METTL8: variants seen among roughly 807,000 people sequenced by gnomAD.
METTL8 encodes the protein methyltransferase 8, tRNA N3-cytidine.
METTL8 carries 32 observed loss-of-function variants against 48.7 expected under a neutral mutation model. That is an observed-to-expected ratio of 0.66 (90% CI 0.50 to 0.88). The LOEUF is 0.88. Among genes scored for constraint, METTL8 ranks in the 40% least tolerant of loss-of-function variants. The pLI is 0.00. For missense variants in METTL8, 464 were observed against 474.4 expected, an observed-to-expected ratio of 0.98 and a Z score of 0.20; for synonymous variants, 136 against 157.1, an observed-to-expected ratio of 0.87 and a Z score of 1.01.
In METTL8 at chr2:171,331,806, T is replaced by C; in HGVS notation, c.718A>G (p.Lys240Glu). The part of the protein sequence containing the change: ...DFASGAVELV[K>E]SHSSYRATQC... ...TATGATTCCCAGGAGTAGCATACCTTTACGAGCTCCACAGCTCCAGAAGCA... is the reference window on the plus strand; with the variant it reads ...TATGATTCCCAGGAGTAGCATACCTCTACGAGCTCCACAGCTCCAGAAGCA... Residue 240 changes from lysine (K) to glutamate (E), a missense_variant and splice_region_variant, in exon 6 of 10, where the codon AAG becomes GAG. Coordinates refer to ENST00000375258, the MANE Select transcript of METTL8 (RefSeq NM_001321154.2). The C allele has an allele frequency of 6.2e-7, 1 of 1,602,994 alleles. No homozygotes were observed. Among genetic ancestry groups the C allele is most frequent in the Non-Finnish European group, 8.5e-7 (1 of 1,173,994 alleles).
chr2:171,391,910 C>T, intron 2 of METTL8, 133 bp downstream of exon 2: 2 of 833,770 alleles, frequency 2.4e-6, no homozygotes, highest in South Asian at 4.0e-5. Flanking sequence ...GATCGGTTAC[C>T]CTAGCTTTTG....
intron 1 of METTL8, among the ~76,000 whole-genome samples, chr2:171,415,217 T>TA (rs1286033745): frequency 2.0e-5 from 3 of 152,146 alleles, no homozygotes; most frequent in Non-Finnish European, 4.4e-5. Flanking sequence ...GGTCTCATCT[T>TA]AAAAAATTAA....
chr2:171,412,502 T>C (rs1004276124), intron 1 of METTL8, among the ~76,000 whole-genome samples: 22 of 152,164 alleles, frequency 1.4e-4, no homozygotes, highest in Admixed American at 1.4e-3. Context: ...CACGAATTCC[T>C]GGGGAACCCT....
rs1574037952 is a variant in METTL8, at chr2:171,375,179, T to C, written c.144-14666A>G. On this transcript the variant is annotated intron_variant, in intron 2 of 9. Transcript: ENST00000375258. The stretch of plus-strand genomic sequence containing the variant: ...CGAATGACGAATTTCTTAATGGCCT[T>C]GTCCTTGGGCACGCATCGGGTACAG... The C allele has an allele frequency of 9.6e-6, 14 of 1,457,744 alleles. No homozygotes were observed. In the South Asian group the frequency reaches 1.5e-4, roughly 15 times the overall value. The allele number at this position is 1,457,744 out of a possible 1,614,324, so 90.3% of individuals were successfully genotyped here. A position where few individuals can be genotyped will look rare whatever the true frequency, so the allele number is the denominator to read the frequency against.
At chr2:171,432,866 T>C (rs911726597) in intron 1 of METTL8, among the ~76,000 whole-genome samples, 1 of 152,176 alleles carries the variant, frequency 6.6e-6, no homozygotes, top group Non-Finnish European at 1.5e-5. Context: ...CCAATTGATA[T>C]AAACAAAAGT....
At position 171,342,595 on chromosome 2, in the gene METTL8, T is replaced by C. The variant is rs564057431; in HGVS notation, c.236-3041A>G. Among the ~76,000 whole-genome samples, 465 of 148,026 alleles carry C rather than the reference T, an allele frequency of 3.1e-3. 9 individuals are homozygous for C. The highest frequency in any genetic ancestry group is 0.011 in the African/African-American group (432 of 40,788). ...AAATTTCTCCAGGGTCTTCTCAAGCTTTCTCTTCTTCCTTTACCTTAAAAA... is the reference window on the plus strand; with the variant it reads ...AAATTTCTCCAGGGTCTTCTCAAGCCTTCTCTTCTTCCTTTACCTTAAAAA... On this transcript the variant is annotated intron_variant, in intron 3 of 9. Transcript: ENST00000375258.
At chr2:171,421,959 A>C (rs945944244) in intron 1 of METTL8, among the ~76,000 whole-genome samples, 2 of 152,224 alleles carry the variant, frequency 1.3e-5, no homozygotes, top group African/African-American at 4.8e-5. Context: ...TCAAAATTTC[A>C]ATAAGGCTTT....
chr2:171,324,415 A>G, intron 9 of METTL8, 53 bp from the exon 10 acceptor site: 1 of 1,456,834 alleles, frequency 6.9e-7, no homozygotes, highest in Non-Finnish European at 9.3e-7. Flanking sequence ...GAGATGGGGG[A>G]GGTCAGGAGT....
chr2:171,390,588 G>T (rs1688494265), intron 2 of METTL8, among the ~76,000 whole-genome samples: 1 of 152,116 alleles, frequency 6.6e-6, no homozygotes, highest in Non-Finnish European at 1.5e-5. Context: ...GATGATAAGG[G>T]GTTCAAGACT....
At chr2:171,329,875 A>G (rs1299878451) in intron 7 of METTL8, among the ~76,000 whole-genome samples, 1 of 152,232 alleles carries the variant, frequency 6.6e-6, no homozygotes, top group Non-Finnish European at 1.5e-5. Context: ...GGTACTTACC[A>G]TATGTACCCT....
At chr2:171,369,868 C>T (rs1485528789) in intron 2 of METTL8, among the ~76,000 whole-genome samples, 1 of 151,966 alleles carries the variant, frequency 6.6e-6, no homozygotes, top group Non-Finnish European at 1.5e-5. Context: ...GAGTTCAAGA[C>T]CAGTCTGACC....
intron 1 of METTL8, among the ~76,000 whole-genome samples, chr2:171,427,719 C>T (rs945161947): frequency 1.3e-5 from 2 of 152,196 alleles, no homozygotes; most frequent in African/African-American, 2.4e-5. Context: ...CCCTCCAGCA[C>T]ATCACCCTGT....
In METTL8 at chr2:171,319,823, G is replaced by A. The variant is rs1398377679; in HGVS notation, c.*4349C>T. ...GACGATGCTCAAAAGTGAATTTTTA[G>A]AAATGGAGAAAAAAATGAAGGGTGC... On this transcript the variant is annotated 3_prime_UTR_variant, in exon 10 of 10. Transcript: ENST00000375258. The A allele has an allele frequency of 1.3e-5, 2 of 152,064 alleles. No homozygotes were observed. Among genetic ancestry groups the A allele is most frequent in the African/African-American group, 2.4e-5 (1 of 41,422 alleles). The allele number at this position is 152,064 out of a possible 1,614,324, so 9.4% of individuals were successfully genotyped here.
intron 3 of METTL8, among the ~76,000 whole-genome samples, chr2:171,339,981 G>C (rs1039151904): frequency 4.7e-5 from 7 of 150,018 alleles, no homozygotes; most frequent in African/African-American, 1.7e-4. Flanking sequence ...GGTGGATCAC[G>C]AGGTCAGGAG....
intron 2 of METTL8, among the ~76,000 whole-genome samples, chr2:171,369,132 C>T (rs1347417291): frequency 4.6e-5 from 7 of 151,756 alleles, no homozygotes; most frequent in African/African-American, 1.7e-4. Flanking sequence ...GGTGAAACCC[C>T]GTCTCCACTA....
chr2:171,389,511 T>G (rs1688385375), intron 2 of METTL8, among the ~76,000 whole-genome samples: 1 of 59,712 alleles, frequency 1.7e-5, no homozygotes, highest in Non-Finnish European at 2.8e-5. Context: ...TCTCCCTGTC[T>G]CACAAAAAAA....
chr2:171,408,868 T>TA (rs1690458584), intron 1 of METTL8, among the ~76,000 whole-genome samples: 1 of 152,020 alleles, frequency 6.6e-6, no homozygotes, highest in Non-Finnish European at 1.5e-5. Flanking sequence ...TTCTGGGAGG[T>TA]AACACATGTA....
Position 171,337,485 on chromosome 2 carries a change from T to C in METTL8, c.624A>G (p.Gly208=), listed in dbSNP as rs779427999. The C allele has an allele frequency of 1.2e-6, 2 of 1,606,202 alleles. No individual in the cohort carries two copies. The change falls in exon 5 of 10, where the codon GGA becomes GGG. Residue 208 remains glycine, a synonymous_variant. Transcript: ENST00000375258. ...TGTTCAAAATTGGAAACACACTATT[T>C]CCAGCTCCACAACCAACCTAAAATC... is the stretch of plus-strand genomic sequence containing the variant. ...FRILEVGCGA[G]NSVFPILNTL... is the part of the protein sequence containing the mutation.
At chr2:171,382,584 T>C (rs553459662) in intron 2 of METTL8, among the ~76,000 whole-genome samples, 1 of 152,120 alleles carries the variant, frequency 6.6e-6, no homozygotes, top group South Asian at 2.1e-4. Context: ...GAGACAGCAT[T>C]AGGACAAATC....
Sources: allele counts gnomAD v4.1 joint callset (sites outside exome capture counted in the v4.1 genomes callset), GRCh38; gene constraint gnomAD v4.1.1; transcripts MANE v1.5; gene names NCBI Gene and HGNC (gene_info 2026-07-23, HGNC 2026-07-21).